The following ANKS1B variants were observed in gnomAD, a reference collection of about 807,000 sequenced individuals.
ANKS1B encodes the protein ankyrin repeat and sterile alpha motif domain-containing protein 1B.
A neutral mutation model predicts 148.3 loss-of-function variants in ANKS1B; 36 were observed. That is an observed-to-expected ratio of 0.24 (90% confidence interval 0.19 to 0.32). The LOEUF is 0.32. ANKS1B is among the 10% of genes least tolerant of loss of function. The pLI is 1.00. For synonymous variants in ANKS1B, 542 were observed against 560.8 expected (o/e 0.97, Z 0.47); for missense variants, 1,157 against 1,542.6 (o/e 0.75, Z 4.19).
At chr12:98,802,377 G>T (rs2099010885) in intron 20 of ANKS1B, among the ~76,000 whole-genome samples, 1 of 152,070 alleles carries the variant, frequency 6.6e-6, no homozygotes, top group African/African-American at 2.4e-5. Flanking sequence ...GGAGAGAAAG[G>T]AAGTTCTCTG....
chr12:99,460,881 A>G (rs1384707681), intron 10 of ANKS1B, among the ~76,000 whole-genome samples: 2 of 152,130 alleles, frequency 1.3e-5, no homozygotes, highest in Non-Finnish European at 2.9e-5. Flanking sequence ...TGATCCAACA[A>G]TCCCACTCCT....
At chr12:99,476,781 T>G (rs2096330826) in intron 10 of ANKS1B, among the ~76,000 whole-genome samples, 1 of 152,174 alleles carries the variant, frequency 6.6e-6, no homozygotes, top group African/African-American at 2.4e-5. Context: ...ATCTTGCAGT[T>G]TTCATGGCTG....
chr12:99,682,285 T>G lies in ANKS1B; in HGVS notation c.1129-27075A>C, dbSNP rs534860180. Among the ~76,000 whole-genome samples, 3 of 152,306 alleles carry G rather than the reference T, an allele frequency of 2.0e-5. No individual in the cohort carries two copies. In the South Asian group the frequency reaches 6.2e-4, roughly 32 times the overall value. ...CTTAACAGATATTTGCAGAACATTT[T>G]CTATCCAACAACTGCAGAATATACA... On this transcript the variant is annotated intron_variant, in intron 8 of 26. Transcript: ENST00000683438.
At position 99,465,485 on chromosome 12, in the gene ANKS1B, G is replaced by C. The variant is rs566011899; in HGVS notation, c.1439-21676C>G. Among the ~76,000 whole-genome samples the C allele has an allele frequency of 3.0e-4, 46 of 152,220 alleles. No individual in the cohort carries two copies. In the South Asian group the frequency reaches 9.1e-3, roughly 30 times the overall value. Reference sequence around the variant, plus strand: ...AATGGACTAAATGCTCCAATTAAAAGACACAGACTGGCAAATTGGATAAAG... The same window carrying C: ...AATGGACTAAATGCTCCAATTAAAACACACAGACTGGCAAATTGGATAAAG... On this transcript the variant is annotated intron_variant, in intron 10 of 26. Transcript: ENST00000683438.
intron 11 of ANKS1B, among the ~76,000 whole-genome samples, chr12:99,425,524 C>T (rs1476994649): frequency 6.6e-6 from 1 of 151,838 alleles, no homozygotes; most frequent in Non-Finnish European, 1.5e-5. Flanking sequence ...GAAACATTTC[C>T]ACCATTGTTC....
chr12:98,975,888 T>C (rs1399753548), intron 17 of ANKS1B, among the ~76,000 whole-genome samples: 1 of 152,176 alleles, frequency 6.6e-6, no homozygotes, highest in Non-Finnish European at 1.5e-5. Flanking sequence ...GATCACCCAG[T>C]ATTTGTAAAC....
chr12:98,774,587 C>T (rs1446426270), intron 24 of ANKS1B, among the ~76,000 whole-genome samples: 2 of 152,092 alleles, frequency 1.3e-5, no homozygotes. Flanking sequence ...TTGCAGTTGT[C>T]ACAGATCTAA....
chr12:99,228,261 T>A (rs2086263765), intron 14 of ANKS1B, among the ~76,000 whole-genome samples: 2 of 152,118 alleles, frequency 1.3e-5, no homozygotes, highest in African/African-American at 4.8e-5. Context: ...GACAATGAAG[T>A]TCACGAATGC....
At chr12:98,957,101 A>C (rs2099863476) in intron 17 of ANKS1B, among the ~76,000 whole-genome samples, 2 of 152,288 alleles carry the variant, frequency 1.3e-5, no homozygotes, top group African/African-American at 2.4e-5. Context: ...TTCAGTTCAG[A>C]ATATTGTTTT....
At chr12:98,897,423 T>C (rs2099766305) in intron 17 of ANKS1B, among the ~76,000 whole-genome samples, 1 of 151,578 alleles carries the variant, frequency 6.6e-6, no homozygotes, top group Admixed American at 6.6e-5. Flanking sequence ...TGAGCAGACA[T>C]TTCTCAAACG....
chr12:99,633,444 T>A (rs1003876808), intron 9 of ANKS1B, among the ~76,000 whole-genome samples: 1 of 152,132 alleles, frequency 6.6e-6, no homozygotes. Flanking sequence ...TATAGAAAGC[T>A]GAAACTGGAT....
At chr12:99,262,791 C>G (rs2076062180) in intron 12 of ANKS1B, among the ~76,000 whole-genome samples, 1 of 151,892 alleles carries the variant, frequency 6.6e-6, no homozygotes, top group Non-Finnish European at 1.5e-5. Context: ...TTGAAATATT[C>G]AAATAACTGA....
chr12:99,573,539 G>A (rs932459433), intron 9 of ANKS1B, among the ~76,000 whole-genome samples: 3 of 151,958 alleles, frequency 2.0e-5, no homozygotes, highest in Admixed American at 2.0e-4. Context: ...GTATGTATCT[G>A]AAAAATCCTA....
chr12:99,244,296 C>T (rs755440920), intron 14 of ANKS1B, 46 bp downstream of exon 14: 2 of 1,337,046 alleles, frequency 1.5e-6, no homozygotes, highest in South Asian at 2.6e-5. Flanking sequence ...TCTCACTACT[C>T]CTTAAGCACA....
At chr12:99,465,939 A>G (rs1018565209) in intron 10 of ANKS1B, among the ~76,000 whole-genome samples, 7 of 152,190 alleles carry the variant, frequency 4.6e-5, no homozygotes, top group African/African-American at 1.7e-4. Flanking sequence ...TGCACCAAGC[A>G]GACCTAATAG....
rs1418698126 is a variant in ANKS1B, at chr12:98,769,834, G to A, written c.3579+3208C>T. ...AAAAAGGTGGCGTTCATCCTGAAAAGTATCAGAATATTCATGTTGATGTTC... is the reference window on the plus strand; with the variant it reads ...AAAAAGGTGGCGTTCATCCTGAAAAATATCAGAATATTCATGTTGATGTTC... On this transcript the variant is annotated intron_variant, in intron 25 of 26. Transcript: ENST00000683438. Among the ~76,000 whole-genome samples, 6 of 152,214 alleles carry A rather than the reference G, an allele frequency of 3.9e-5. No individual in the cohort carries two copies. The South Asian group carries it at 1.0e-3, about 26-fold the overall frequency.
Position 99,425,196 on chromosome 12 carries a change from T to C in ANKS1B, c.1575+18477A>G, listed in dbSNP as rs553676059. ...CACCCACAGTTGTACATATTACAAA[T>C]TTGCAAATAATCTGTGTATATTTAT... On this transcript the variant is annotated intron_variant, in intron 11 of 26. Transcript: ENST00000683438. 2.6e-5 allele frequency among the ~76,000 whole-genome samples: 4 copies of C among 152,086 alleles called. No individual in the cohort carries two copies. In the South Asian group the frequency reaches 8.3e-4, roughly 32 times the overall value.
chr12:99,803,708 C>T (rs1460508236), intron 4 of ANKS1B, among the ~76,000 whole-genome samples: 1 of 152,162 alleles, frequency 6.6e-6, no homozygotes, highest in African/African-American at 2.4e-5. Context: ...CACTCAAATT[C>T]AATATTTTAA....
At chr12:99,369,695 CAGCA>C (rs1256016083) in intron 12 of ANKS1B, among the ~76,000 whole-genome samples, 1 of 151,412 alleles carries the variant, frequency 6.6e-6, no homozygotes, top group African/African-American at 2.4e-5. Context: ...TCAAATTTTT[CAGCA>C]AGCAAGATAG....
Sources: gnomAD v4.1 joint callset for allele counts (sites outside exome capture counted in the v4.1 genomes callset) on GRCh38, gnomAD v4.1.1 for gene constraint, MANE v1.5 for transcripts, NCBI Gene and HGNC (gene_info 2026-07-23, HGNC 2026-07-21) for gene names.